ATP6V1C2: variants seen among roughly 807,000 people sequenced by gnomAD.
The protein encoded by ATP6V1C2 is ATPase H+ transporting V1 subunit C2.
Under a neutral mutation model 56.8 loss-of-function variants are expected in ATP6V1C2, and 45 were observed. The ratio of observed to expected loss-of-function variants is 0.79; its 90% CI spans 0.62 to 1.02. The LOEUF is 1.02. ATP6V1C2 is among the 50% of genes least tolerant of loss of function. The pLI is 0.00. For synonymous variants in ATP6V1C2, 220 were observed against 201.3 expected, an observed-to-expected ratio of 1.09 and a Z score of -0.79; for missense variants, 463 against 519.7, an observed-to-expected ratio of 0.89 and a Z score of 1.06.
chr2:10,730,088 T>C (rs1661868236), intron 3 of ATP6V1C2, among the ~76,000 whole-genome samples: 1 of 152,220 alleles, frequency 6.6e-6, no homozygotes, highest in East Asian at 1.9e-4. Context: ...ATGAACTGTA[T>C]GGAATTAGGA....
chr2:10,749,192 C>G (rs1020934360), intron 3 of ATP6V1C2, among the ~76,000 whole-genome samples: 1 of 142,002 alleles, frequency 7.0e-6, no homozygotes, highest in Non-Finnish European at 1.5e-5. Flanking sequence ...TATATATCAA[C>G]AAATAAAATT....
chr2:10,761,333 A>G (rs1663892073), intron 4 of ATP6V1C2, among the ~76,000 whole-genome samples: 1 of 152,000 alleles, frequency 6.6e-6, no homozygotes. Context: ...CTCTGGGCCC[A>G]TGGTGGGAGG....
rs569322441 is a variant in ATP6V1C2, at chr2:10,773,859, C to T, written c.639-929C>T. Among the ~76,000 whole-genome samples, 12 of 152,282 alleles carry T rather than the reference C, an allele frequency of 7.9e-5. 1 individual carries two copies. The highest frequency in any genetic ancestry group is 1.5e-4 in the Non-Finnish European group (10 of 68,032). ...GGGGGACGGGGATCTCCCAGGGCTA[C>T]GAGATGGCAATCGGGATCTAAATTG... On this transcript the variant is annotated intron_variant, in intron 8 of 13. Coordinates refer to ENST00000272238, the MANE Select transcript of ATP6V1C2 (RefSeq NM_001039362.2).
rs1411146575 is a variant in ATP6V1C2, at chr2:10,780,637, CG to C, written c.1062-1604del. 9.2e-5 allele frequency among the ~76,000 whole-genome samples: 14 copies of C among 152,320 alleles called. No homozygotes were observed. Among genetic ancestry groups the C allele is most frequent in the African/African-American group, 3.1e-4 (13 of 41,576 alleles). ...GATCAACCCTGCCCGGCTCAGAAGT[CG>C]GTTGCTCTCAGGCCTAACGGCCTAA... On this transcript the variant is annotated intron_variant, in intron 12 of 13. Transcript: ENST00000272238. The surrounding 1 kb of genome is among the most constrained non-coding windows in gnomAD (Gnocchi z 4.1).
At chr2:10,768,548 C>T (rs1664377637) in intron 5 of ATP6V1C2, among the ~76,000 whole-genome samples, 171 bp from the exon 6 acceptor site, 1 of 152,224 alleles carries the variant, frequency 6.6e-6, no homozygotes, top group African/African-American at 2.4e-5. Context: ...CTGGGTGCCA[C>T]ACAGGGGCTC....
At chr2:10,775,560 C>T (rs144372064) in intron 10 of ATP6V1C2, among the ~76,000 whole-genome samples, 42 of 152,292 alleles carry the variant, frequency 2.8e-4, no homozygotes, top group Admixed American at 1.4e-3. Context: ...ATTTACCTCC[C>T]GTGTCCTTAG....
chr2:10,733,963 T>G (rs923133606), intron 3 of ATP6V1C2, among the ~76,000 whole-genome samples: 3 of 152,232 alleles, frequency 2.0e-5, no homozygotes, highest in Non-Finnish European at 4.4e-5. Flanking sequence ...TGCTTAGTGA[T>G]ACGTGTGAGT....
At chr2:10,783,146 T>C (rs1358590246) in intron 13 of ATP6V1C2, 28 bp from the exon 14 acceptor site, 1 of 1,563,842 alleles carries the variant, frequency 6.4e-7, no homozygotes, top group African/African-American at 1.4e-5. Flanking sequence ...TTTATGCACT[T>C]AGAGCATTAC....
chr2:10,726,200 A>C lies in ATP6V1C2; in HGVS notation c.130-302A>C, dbSNP rs151093484. Among the ~76,000 whole-genome samples, 401 of 152,330 alleles carry C rather than the reference A, an allele frequency of 2.6e-3. 14 individuals carry two copies. Among genetic ancestry groups the C allele is most frequent in the Admixed American group, 0.022 (335 of 15,300 alleles). ...TCTTCCTCAGCTATGGGGATTAACA[A>C]CATGACTGACTAGCAGGCTGCCATT... On this transcript the variant is annotated intron_variant, in intron 2 of 13. Coordinates refer to ENST00000272238, the MANE Select transcript of ATP6V1C2 (RefSeq NM_001039362.2).
chr2:10,726,634 T>C, intron 3 of ATP6V1C2, 65 bp downstream of exon 3: 3 of 1,469,578 alleles, frequency 2.0e-6, no homozygotes, highest in Non-Finnish European at 2.9e-6. Context: ...GGACACAGTG[T>C]TCTTGCTTTG....
Position 10,764,399 on chromosome 2 carries a change from G to A in ATP6V1C2, c.352G>A (p.Val118Met), listed in dbSNP as rs761100899. The change falls in exon 5 of 14, where the codon GTG becomes ATG. Residue 118 changes from valine to methionine, a missense_variant. Physicochemically the swap from Val to Met is conservative, Grantham distance 21. Transcript: ENST00000272238. ...CAAATATCCTGTCAAGCAGCCGCTC[G>A]TGAGTGTGGTGGACACAATAGCCAA... ...MAKYPVKQPL[V>M]SVVDTIAKQL... is the part of the protein sequence containing the mutation. 18 of 1,613,948 alleles carry A rather than the reference G, an allele frequency of 1.1e-5. No individual in the cohort carries two copies. Among genetic ancestry groups the A allele is most frequent in the African/African-American group, 5.3e-5 (4 of 74,928 alleles).
intron 3 of ATP6V1C2, among the ~76,000 whole-genome samples, chr2:10,728,103 A>G (rs1381979992): frequency 6.6e-6 from 1 of 152,132 alleles, no homozygotes; most frequent in Non-Finnish European, 1.5e-5. Flanking sequence ...TTTTTTGCAG[A>G]CAGGGTCTGG....
chr2:10,737,660 C>G (rs1276957615), intron 3 of ATP6V1C2, among the ~76,000 whole-genome samples: 2 of 152,052 alleles, frequency 1.3e-5, no homozygotes, highest in African/African-American at 2.4e-5. Flanking sequence ...GCTTTGCTGC[C>G]CTTACGGGAT....
chr2:10,736,391 T>C (rs775219272), intron 3 of ATP6V1C2, among the ~76,000 whole-genome samples: 2 of 152,232 alleles, frequency 1.3e-5, no homozygotes, highest in Non-Finnish European at 2.9e-5. Context: ...GCAAATTGCA[T>C]TTTGCTAGAA....
intron 4 of ATP6V1C2, among the ~76,000 whole-genome samples, chr2:10,762,291 G>A (rs147250177): frequency 4.0e-5 from 6 of 151,872 alleles, no homozygotes; most frequent in Non-Finnish European, 7.4e-5. Flanking sequence ...AACTACGGGC[G>A]TGTGCCACCA....
rs540952695 is a variant in ATP6V1C2, at chr2:10,753,532, ATT to A, written c.198-433_198-432del. ...AATTACTGGTTCAAAGGCTATTAGC[ATT>A]TTTTTTTTTTTTTTTGAGACGGGGT... On this transcript the variant is annotated intron_variant, in intron 3 of 13. Transcript: ENST00000272238. Among the ~76,000 whole-genome samples the A allele has an allele frequency of 4.5e-3, 614 of 136,862 alleles. 2 individuals carry two copies. Among genetic ancestry groups the A allele is most frequent in the African/African-American group, 0.014 (532 of 37,490 alleles). The allele number at this position is 136,862 out of a possible 152,430, so 89.8% of individuals were successfully genotyped here.
At chr2:10,742,382 C>T (rs1662605196) in intron 3 of ATP6V1C2, among the ~76,000 whole-genome samples, 1 of 152,200 alleles carries the variant, frequency 6.6e-6, no homozygotes, top group African/African-American at 2.4e-5. Context: ...GGAGACCCAA[C>T]CCTTCCTTCT....
chr2:10,765,471 C>A (rs1003623029), intron 5 of ATP6V1C2, among the ~76,000 whole-genome samples: 1 of 152,268 alleles, frequency 6.6e-6, no homozygotes, highest in African/African-American at 2.4e-5. Flanking sequence ...ACCCGGTTTT[C>A]TACTGTGACT....
At position 10,747,161 on chromosome 2, in the gene ATP6V1C2, G is replaced by A. The variant is rs995054610; in HGVS notation, c.198-6820G>A. Among the ~76,000 whole-genome samples the A allele has an allele frequency of 4.6e-5, 7 of 152,010 alleles. 1 individual carries two copies. In the South Asian group the frequency reaches 1.0e-3, roughly 23 times the overall value. ...TGCATGCCTGTAATCCCAGCTACTCGGGAGGCTGAGGCAGGAGAATTGCTT... is the reference window on the plus strand; with the variant it reads ...TGCATGCCTGTAATCCCAGCTACTCAGGAGGCTGAGGCAGGAGAATTGCTT... On this transcript the variant is annotated intron_variant, in intron 3 of 13. Transcript: ENST00000272238.
Sources: allele counts gnomAD v4.1 joint callset (sites outside exome capture counted in the v4.1 genomes callset), GRCh38; gene constraint gnomAD v4.1.1; non-coding constraint Gnocchi (gnomAD v3.1); transcripts MANE v1.5; gene names NCBI Gene and HGNC (gene_info 2026-07-23, HGNC 2026-07-21).